Variants in C1orf162 observed in about 807,000 individuals in gnomAD.
C1orf162 encodes the protein transmembrane protein C1orf162.
In C1orf162, 10 loss-of-function variants were observed where a neutral mutation model predicts 11.4. That is an observed-to-expected ratio of 0.88 (90% CI 0.54 to 1.48). The LOEUF (loss-of-function observed/expected upper bound fraction) is 1.48. Ranked by LOEUF, C1orf162 falls within the 40% of genes most tolerant of loss-of-function variation. The probability of loss-of-function intolerance (pLI) is 0.00; values close to 1 mark genes in which losing one functional copy is unlikely to be tolerated. For synonymous variants in C1orf162, 53 were observed against 55.0 expected (o/e 0.96, Z 0.16); for missense variants, 140 against 149.5 (o/e 0.94, Z 0.33).
chr1:111,477,908 G>A (rs1055881066), intron 5 of C1orf162, 75 bp from the exon 6 acceptor site: 18 of 1,600,886 alleles, frequency 1.1e-5, no homozygotes, highest in South Asian at 1.1e-4. Flanking sequence ...TGACCAAAGT[G>A]CTCAGGTTGC....
chr1:111,476,793 T>C lies in C1orf162; in HGVS notation c.38-5T>C. ...TACACTAATTCCTTTTGTGTTTTCT[T>C]GTAGAAAGACAAGGCACTCTCTCCA... On this transcript the variant is annotated splice_polypyrimidine_tract_variant and splice_region_variant and intron_variant, in intron 2 of 5. Transcript: ENST00000369718. The C allele has an allele frequency of 1.9e-6, 3 of 1,613,834 alleles. No individual in the cohort carries two copies. Among genetic ancestry groups the C allele is most frequent in the South Asian group, 1.1e-5 (1 of 91,066 alleles).
At chr1:111,476,963 G>A (rs887918893) in intron 3 of C1orf162, 96 bp downstream of exon 3, 6 of 1,313,900 alleles carry the variant, frequency 4.6e-6, no homozygotes, top group Non-Finnish European at 6.6e-6. Flanking sequence ...AGGGAGACTG[G>A]GGAGAAAGGA....
Position 111,478,205 on chromosome 1 carries a change from T to C in C1orf162, c.*82T>C. The C allele has an allele frequency of 1.9e-6, 3 of 1,549,404 alleles. No homozygotes were observed. Among genetic ancestry groups the C allele is most frequent in the Non-Finnish European group, 1.8e-6 (2 of 1,128,058 alleles). On this transcript the variant is annotated 3_prime_UTR_variant, in exon 6 of 6. Transcript: ENST00000369718. ...CACATCACTTTCACTTTTTTACAAA[T>C]TTTGGACCACCACCTGTGTGAAACT...
intron 1 of C1orf162, 174 bp from the exon 2 acceptor site, chr1:111,475,844 A>C (rs931407102): frequency 3.7e-6 from 2 of 538,416 alleles, no homozygotes; most frequent in African/African-American, 3.7e-5. Flanking sequence ...CTGCAGAAAC[A>C]ACACCAGAAT....
chr1:111,477,221 A>G lies in C1orf162; in HGVS notation c.108-113A>G, dbSNP rs1009686264. On this transcript the variant is annotated intron_variant, in intron 3 of 5. Transcript: ENST00000369718. ...AAAACCACTGGGTGAAAGTTCATTA[A>G]TCAGTGTGAAAACCATTTCAGGAGT... 3.2e-6 allele frequency: 3 copies of G among 923,704 alleles called. No individual in the cohort carries two copies. The African/African-American group carries it at 5.0e-5, about 15-fold the overall frequency. 57.2% of individuals were successfully genotyped at this position (923,704 alleles called of 1,614,324 possible).
intron 2 of C1orf162, among the ~76,000 whole-genome samples, chr1:111,476,493 G>A (rs1374980302): frequency 6.6e-6 from 1 of 152,164 alleles, no homozygotes; most frequent in East Asian, 1.9e-4. Flanking sequence ...TTAGGCCAGA[G>A]GGAGCATATC....
Position 111,477,784 on chromosome 1 carries a change from A to G in C1orf162, c.252+9A>G. On this transcript the variant is annotated intron_variant, in intron 5 of 5. Transcript: ENST00000369718. ...CAGATCCTCCAGCCAAGGTAAGATGACCACACTGTTTTGGGGACACTGAAG... is the reference window on the plus strand; with the variant it reads ...CAGATCCTCCAGCCAAGGTAAGATGGCCACACTGTTTTGGGGACACTGAAG... 4 of 1,614,050 alleles carry G rather than the reference A, an allele frequency of 2.5e-6. No homozygotes were observed. In the South Asian group the frequency reaches 3.3e-5, roughly 13 times the overall value.
Position 111,476,883 on chromosome 1 carries a change from C to A in C1orf162, c.107+16C>A. On this transcript the variant is annotated intron_variant, in intron 3 of 5. Transcript: ENST00000369718. ...ACCACCACAAGTAAATGAGCATTCT[C>A]CTATCTGTTTCATCTTGTACCACGT... 6.2e-7 allele frequency: 1 copy of A among 1,611,102 alleles called. No homozygotes were observed. The highest frequency in any genetic ancestry group is 1.1e-5 in the South Asian group (1 of 90,998).
In C1orf162 at chr1:111,474,027, A is replaced by C. The variant is rs1472274119; in HGVS notation, c.-15A>C. On this transcript the variant is annotated 5_prime_UTR_variant, in exon 1 of 6. Coordinates refer to ENST00000369718, the MANE Select transcript of C1orf162 (RefSeq NM_001300834.2). Reference sequence around the variant, plus strand: ...CGTGCTATGACCGGACTTTTTCTTGAAAGGTAAATGCATTTACCACATGCT... The same window carrying C: ...CGTGCTATGACCGGACTTTTTCTTGCAAGGTAAATGCATTTACCACATGCT... 1 of 152,234 alleles carries C rather than the reference A, an allele frequency of 6.6e-6. No individual in the cohort carries two copies. Among genetic ancestry groups the C allele is most frequent in the African/African-American group, 2.4e-5 (1 of 41,466 alleles). The allele number at this position is 152,234 out of a possible 1,614,324, so 9.4% of individuals were successfully genotyped here.
rs1557809618 is a variant in C1orf162, at chr1:111,477,759, C to G, written c.236C>G (p.Ser79Ter). ...AAGCCCCAGGCCCCAGATCCTCACT[C>G]AGATCCTCCAGCCAAGGTAAGATGA... ...HSKPQAPDPHSDPPAKLSSIP... is the reference protein window; with the variant it reads ...HSKPQAPDPH The change falls in exon 5 of 6, where the codon TCA becomes TGA. Residue 79 changes from serine to a stop codon, truncating the protein, a stop_gained. Transcript: ENST00000369718. LOFTEE classifies it low-confidence loss of function (END_TRUNC). 6.2e-7 allele frequency: 1 copy of G among 1,614,124 alleles called. No homozygotes were observed. The highest frequency in any genetic ancestry group is 8.5e-7 in the Non-Finnish European group (1 of 1,180,016).
Position 111,478,206 on chromosome 1 carries a change from T to C in C1orf162, c.*83T>C. 1 of 1,544,666 alleles carries C rather than the reference T, an allele frequency of 6.5e-7. No homozygotes were observed. Among genetic ancestry groups the C allele is most frequent in the East Asian group, 2.3e-5 (1 of 44,432 alleles). ...ACATCACTTTCACTTTTTTACAAATTTTGGACCACCACCTGTGTGAAACTG... is the reference window on the plus strand; with the variant it reads ...ACATCACTTTCACTTTTTTACAAATCTTGGACCACCACCTGTGTGAAACTG... On this transcript the variant is annotated 3_prime_UTR_variant, in exon 6 of 6. Transcript: ENST00000369718.
intron 4 of C1orf162, 109 bp from the exon 5 acceptor site, chr1:111,477,617 C>T: frequency 6.3e-7 from 1 of 1,598,500 alleles, no homozygotes; most frequent in East Asian, 2.2e-5. Context: ...ACCCACCTGC[C>T]AACACCTCCT....
chr1:111,475,885 C>T (rs986990202), intron 1 of C1orf162, 133 bp from the exon 2 acceptor site: 1 of 647,744 alleles, frequency 1.5e-6, no homozygotes, highest in Non-Finnish European at 2.9e-6. Flanking sequence ...TCTGTGACCA[C>T]TGATGGCACT....
In C1orf162 at chr1:111,478,397, T is replaced by C. The variant is rs899641312; in HGVS notation, c.*274T>C. On this transcript the variant is annotated 3_prime_UTR_variant, in exon 6 of 6. Coordinates refer to ENST00000369718, the MANE Select transcript of C1orf162 (RefSeq NM_001300834.2). The stretch of plus-strand genomic sequence containing the variant: ...CTGCCTTCCTTGGACCCTTCCAAAG[T>C]GTGTGGTACAGAGCTCAGTGCACAG... 3 of 514,732 alleles carry C rather than the reference T, an allele frequency of 5.8e-6. No individual in the cohort carries two copies. The highest frequency in any genetic ancestry group is 5.7e-5 in the African/African-American group (3 of 52,266). 31.9% of individuals were successfully genotyped at this position (514,732 alleles called of 1,614,324 possible). A position where few individuals can be genotyped will look rare whatever the true frequency, so the allele number is the denominator to read the frequency against.
intron 1 of C1orf162, chr1:111,475,586 C>A (rs760856721): frequency 1.8e-5 from 3 of 165,782 alleles, no homozygotes; most frequent in Non-Finnish European, 4.0e-5. Context: ...ATCCATTCAT[C>A]TTCTCTCATA....
At chr1:111,476,090 C>A (rs1411651060) in intron 2 of C1orf162, 25 bp downstream of exon 2, 1 of 1,605,996 alleles carries the variant, frequency 6.2e-7, no homozygotes, top group Non-Finnish European at 8.5e-7. Context: ...GGAATAATTA[C>A]CTGCCTCACG....
Position 111,477,744 on chromosome 1 carries a change from C to A in C1orf162, c.221C>A (p.Ala74Asp). ...SYRKYHSKPQAPDPHSDPPAK... is the reference protein window; with the variant it reads ...SYRKYHSKPQDPDPHSDPPAK... ...ATGGCAGATCACTCCAAGCCCCAGG[C>A]CCCAGATCCTCACTCAGATCCTCCA... The change falls in exon 5 of 6, where the codon GCC (alanine) becomes GAC (aspartate). Residue 74 changes from alanine (A) to aspartate (D), a missense_variant. By Grantham distance (126) the Ala-to-Asp change is moderately radical. Transcript: ENST00000369718. 1 of 1,613,976 alleles carries A rather than the reference C, an allele frequency of 6.2e-7. No individual in the cohort carries two copies. Among genetic ancestry groups the A allele is most frequent in the South Asian group, 1.1e-5 (1 of 91,074 alleles).
intron 5 of C1orf162, 25 bp from the exon 6 acceptor site, chr1:111,477,958 A>C: frequency 6.2e-7 from 1 of 1,614,050 alleles, no homozygotes; most frequent in Non-Finnish European, 8.5e-7. Flanking sequence ...GGACTCACTC[A>C]TTCCTCCTTT....
rs779848074 is a variant in C1orf162, at chr1:111,477,756, A to C, written c.233A>C (p.His78Pro). ...TCCAAGCCCCAGGCCCCAGATCCTCACTCAGATCCTCCAGCCAAGGTAAGA... is the reference window on the plus strand; with the variant it reads ...TCCAAGCCCCAGGCCCCAGATCCTCCCTCAGATCCTCCAGCCAAGGTAAGA... Reference protein sequence around the residue: ...YHSKPQAPDPHSDPPAKLSSI... With the variant: ...YHSKPQAPDPPSDPPAKLSSI... Residue 78 changes from histidine to proline, a missense_variant, in exon 5 of 6, where the codon CAC becomes CCC. By Grantham distance (77) the His-to-Pro change is moderately conservative (BLOSUM62 -2). Coordinates refer to ENST00000369718, the MANE Select transcript of C1orf162 (RefSeq NM_001300834.2). 3 of 1,613,660 alleles carry C rather than the reference A, an allele frequency of 1.9e-6. No individual in the cohort carries two copies. The highest frequency in any genetic ancestry group is 3.3e-5 in the Admixed American group (2 of 59,948).
Sources: allele counts gnomAD v4.1 joint callset (sites outside exome capture counted in the v4.1 genomes callset), GRCh38; gene constraint gnomAD v4.1.1; transcripts MANE v1.5; gene names NCBI Gene and HGNC (gene_info 2026-07-23, HGNC 2026-07-21).